The following CCSER1 variants were observed in gnomAD, a reference collection of about 807,000 sequenced individuals.
CCSER1 encodes coiled-coil serine rich protein 1.
Under a neutral mutation model 82.0 loss-of-function variants are expected in CCSER1, and 41 were observed. That is an observed-to-expected ratio of 0.50 (90% CI 0.39 to 0.65). The LOEUF is 0.65. CCSER1 is among the 30% of genes least tolerant of loss of function. CCSER1 has a pLI of 0.00. For missense variants in CCSER1, 1,119 were observed against 1,064.2 expected (o/e 1.05, Z -0.72); for synonymous variants, 414 against 383.9 (o/e 1.08, Z -0.92).
intron 10 of CCSER1, chr4:91,129,943 T>C (rs1408528426): frequency 6.6e-6 from 1 of 152,046 alleles, no homozygotes; most frequent in East Asian, 1.9e-4. Context: ...TGTTGTCCTT[T>C]TTTCAACATG....
At chr4:91,487,267 C>G (rs1028535248) in intron 10 of CCSER1, among the ~76,000 whole-genome samples, 3 of 151,810 alleles carry the variant, frequency 2.0e-5, no homozygotes, top group African/African-American at 7.3e-5. Context: ...TTTAGAATAC[C>G]TTCAACTTTG....
intron 4 of CCSER1, among the ~76,000 whole-genome samples, chr4:90,439,410 G>A (rs1331512918): frequency 6.6e-6 from 1 of 152,134 alleles, no homozygotes; most frequent in Non-Finnish European, 1.5e-5. Flanking sequence ...AACTTTGAAA[G>A]AATATATCTT....
chr4:91,183,094 G>A (rs1318738604), intron 10 of CCSER1, among the ~76,000 whole-genome samples: 2 of 152,220 alleles, frequency 1.3e-5, no homozygotes, highest in Non-Finnish European at 2.9e-5. Context: ...GAGCCCTAAT[G>A]TGAGTGATGT....
intron 1 of CCSER1, among the ~76,000 whole-genome samples, chr4:90,129,037 G>A (rs1413098386): frequency 6.6e-6 from 1 of 152,144 alleles, no homozygotes; most frequent in East Asian, 1.9e-4. Context: ...CAGGCAGTCA[G>A]TAGGACTTAC....
At chr4:91,533,905 C>T (rs1000743469) in intron 10 of CCSER1, among the ~76,000 whole-genome samples, 9 of 151,864 alleles carry the variant, frequency 5.9e-5, no homozygotes, top group African/African-American at 2.2e-4. Flanking sequence ...AGATATGTAG[C>T]TTCTTTCTCT....
chr4:90,861,017 A>G (rs749635077), intron 8 of CCSER1, among the ~76,000 whole-genome samples: 18 of 151,668 alleles, frequency 1.2e-4, no homozygotes, highest in Non-Finnish European at 2.4e-4. Context: ...TTGTATATGA[A>G]TTATAACTCG....
chr4:90,204,419 A>T (rs144211700), intron 1 of CCSER1, among the ~76,000 whole-genome samples: 2 of 152,140 alleles, frequency 1.3e-5, no homozygotes, highest in African/African-American at 2.4e-5. Flanking sequence ...ATGGCTAGCC[A>T]GTTTTCCCAA....
At chr4:90,141,430 C>A (rs780685584) in intron 1 of CCSER1, among the ~76,000 whole-genome samples, 5 of 152,200 alleles carry the variant, frequency 3.3e-5, no homozygotes, top group Non-Finnish European at 7.4e-5. Context: ...ATGTTAAGCT[C>A]TTTCTGTTTT....
intron 5 of CCSER1, among the ~76,000 whole-genome samples, chr4:90,622,821 A>C (rs1008708177): frequency 2.0e-5 from 3 of 152,024 alleles, no homozygotes; most frequent in African/African-American, 7.3e-5. Context: ...TTCTAGTTCT[A>C]GATCCTTGAG....
Position 91,174,858 on chromosome 4 carries a change from A to G in CCSER1, c.2217+88864A>G, listed in dbSNP as rs143975895. Among the ~76,000 whole-genome samples the G allele has an allele frequency of 4.9e-3, 730 of 148,322 alleles. 6 individuals are homozygous for G. The highest frequency in any genetic ancestry group is 0.017 in the African/African-American group (688 of 40,126). ...TTTATTATACTTTAATTTCTAGGGT[A>G]CATGTGCACGACATGCAGATTTGTT... On this transcript the variant is annotated intron_variant, in intron 10 of 10. Transcript: ENST00000509176.
chr4:90,921,469 T>G (rs1013860212), intron 8 of CCSER1, among the ~76,000 whole-genome samples: 2 of 152,046 alleles, frequency 1.3e-5, no homozygotes, highest in Non-Finnish European at 2.9e-5. Flanking sequence ...AATGTCTGTG[T>G]TTTATTTAAG....
chr4:91,244,107 A>G (rs1356107063), intron 10 of CCSER1, among the ~76,000 whole-genome samples: 2 of 152,110 alleles, frequency 1.3e-5, no homozygotes, highest in African/African-American at 4.8e-5. Context: ...GTTTTAAATG[A>G]ACATTTGTGG....
At chr4:91,359,350 G>A (rs1004005812) in intron 10 of CCSER1, among the ~76,000 whole-genome samples, 1 of 151,720 alleles carries the variant, frequency 6.6e-6, no homozygotes, top group Admixed American at 6.6e-5. Context: ...GCCTGTCTTT[G>A]GTTTTACTTC....
rs189917005 is a variant in CCSER1, at chr4:91,303,978, T to C, written c.2217+217984T>C. Among the ~76,000 whole-genome samples, 23 of 152,160 alleles carry C rather than the reference T, an allele frequency of 1.5e-4. No homozygotes were observed. In the East Asian group the frequency reaches 4.5e-3, roughly 30 times the overall value. On this transcript the variant is annotated intron_variant, in intron 10 of 10. Coordinates refer to ENST00000509176, the MANE Select transcript of CCSER1 (RefSeq NM_001145065.2). Reference sequence around the variant, plus strand: ...CTGTTAATTAAATAATATATATTATTCACACATTTGTTGAGAAAAGCCTTA... The same window carrying C: ...CTGTTAATTAAATAATATATATTATCCACACATTTGTTGAGAAAAGCCTTA...
intron 4 of CCSER1, 63 bp from the exon 5 acceptor site, chr4:90,468,171 G>T: frequency 1.4e-6 from 2 of 1,409,490 alleles, no homozygotes; most frequent in Non-Finnish European, 9.6e-7. Context: ...AGGGGAAAAA[G>T]GAGATGTGAG....
At chr4:90,196,157 G>A (rs1736561827) in intron 1 of CCSER1, among the ~76,000 whole-genome samples, 1 of 148,092 alleles carries the variant, frequency 6.8e-6, no homozygotes, top group African/African-American at 2.5e-5. Context: ...TCAATGAAAT[G>A]TAAGGGAAGT....
intron 5 of CCSER1, among the ~76,000 whole-genome samples, chr4:90,518,754 T>C (rs1772644690): frequency 2.6e-5 from 4 of 151,954 alleles, no homozygotes; most frequent in Admixed American, 6.6e-5. Context: ...CATCTATGCA[T>C]TATTAATATC....
intron 10 of CCSER1, among the ~76,000 whole-genome samples, chr4:91,484,355 T>G (rs1365151018): frequency 6.6e-6 from 1 of 152,134 alleles, no homozygotes; most frequent in East Asian, 1.9e-4. Flanking sequence ...TTGACTACAC[T>G]TGTTAAATGA....
intron 9 of CCSER1, among the ~76,000 whole-genome samples, chr4:91,067,244 A>C (rs547714599): frequency 6.6e-6 from 1 of 152,286 alleles, no homozygotes; most frequent in East Asian, 1.9e-4. Context: ...ATAAGCCAGA[A>C]AATAAAGGCT....
Sources: allele counts gnomAD v4.1 joint callset (sites outside exome capture counted in the v4.1 genomes callset), GRCh38; gene constraint gnomAD v4.1.1; transcripts MANE v1.5; gene names NCBI Gene and HGNC (gene_info 2026-07-23, HGNC 2026-07-21).